The following PUDP variants were observed in gnomAD, a reference collection of about 807,000 sequenced individuals.
PUDP encodes pseudouridine-5'-phosphatase.
A neutral mutation model predicts 9.4 loss-of-function variants in PUDP; 8 were observed. The observed-to-expected ratio is 0.85, with a 90% CI of 0.50 to 1.53. The LOEUF is 1.53. Ranked by LOEUF, PUDP falls within the 40% of genes most tolerant of loss-of-function variation. The pLI, the probability that PUDP is intolerant of heterozygous loss-of-function variation, is 0.00. For synonymous variants in PUDP, 99 were observed against 80.7 expected, an observed-to-expected ratio of 1.23 and a Z score of -1.22; for missense variants, 188 against 189.7, an observed-to-expected ratio of 0.99 and a Z score of 0.05.
chrX:7,047,688 T>C (rs1342131866), downstream of PUDP, among the ~76,000 whole-genome samples: 2 of 112,395 alleles, frequency 1.8e-5, no homozygotes, highest in African/African-American at 6.5e-5. Context: ...TAGAAGATAA[T>C]AGTTCTAGAG....
At chrX:6,785,448 T>A (rs952002877) in intron 3 of PUDP, among the ~76,000 whole-genome samples, 2 of 112,259 alleles carry the variant, frequency 1.8e-5, no homozygotes, top group African/African-American at 6.5e-5. Context: ...CTTCTTCAAA[T>A]TATATTTCTT....
intron 3 of PUDP, among the ~76,000 whole-genome samples, chrX:6,744,940 C>A (rs1273389891): frequency 1.8e-5 from 2 of 111,895 alleles, no homozygotes; most frequent in Non-Finnish European, 3.8e-5. Flanking sequence ...AAGACAATAT[C>A]ATCAACGAGT....
chrX:7,058,356 C>T (rs1930305863), intron 3 of PUDP, among the ~76,000 whole-genome samples: 2 of 111,935 alleles, frequency 1.8e-5, no homozygotes, highest in African/African-American at 6.5e-5. Flanking sequence ...CTCCCAGAAG[C>T]GGTCCTGGAA....
chrX:6,841,094 T>C (rs1926661769), intron 3 of PUDP, among the ~76,000 whole-genome samples: 1 of 109,291 alleles, frequency 9.1e-6, no homozygotes, highest in South Asian at 4.0e-4. Context: ...CCGGCCAATA[T>C]TGTGAAACCC....
At chrX:7,126,371 C>A (rs1428005631) in intron 1 of PUDP, among the ~76,000 whole-genome samples, 2 of 112,010 alleles carry the variant, frequency 1.8e-5, no homozygotes, top group African/African-American at 6.5e-5. Flanking sequence ...CCCAGAAATT[C>A]AGGAAAACAT....
At chrX:6,734,749 T>G (rs1924853623) in intron 3 of PUDP, among the ~76,000 whole-genome samples, 1 of 111,825 alleles carries the variant, frequency 8.9e-6, no homozygotes, top group South Asian at 3.7e-4. Flanking sequence ...CATCCTGGGC[T>G]ACACAGTGAG....
intron 2 of PUDP, among the ~76,000 whole-genome samples, chrX:7,096,713 G>A (rs1375446884): frequency 9.0e-6 from 1 of 110,777 alleles, no homozygotes; most frequent in Non-Finnish European, 1.9e-5. Context: ...GCATATAATT[G>A]CAGTCCTAGC....
chrX:7,020,113 A>G (rs921580709), intron 1 of PUDP, among the ~76,000 whole-genome samples: 7 of 110,176 alleles, frequency 6.4e-5, no homozygotes, highest in African/African-American at 2.3e-4. Flanking sequence ...TGGGAATATG[A>G]GCTTAAGAGG....
chrX:7,093,455 T>C (rs967705827), intron 2 of PUDP, among the ~76,000 whole-genome samples: 1 of 112,062 alleles, frequency 8.9e-6, no homozygotes, highest in Non-Finnish European at 1.9e-5. Flanking sequence ...TTTCTACTAC[T>C]GGCGCCAGGA....
chrX:6,955,613 T>A (rs1194024268), intron 3 of PUDP, among the ~76,000 whole-genome samples: 2 of 111,442 alleles, frequency 1.8e-5, no homozygotes, highest in Non-Finnish European at 3.8e-5. Flanking sequence ...CTTTTATAAT[T>A]AGGATGGGAA....
intron 3 of PUDP, among the ~76,000 whole-genome samples, chrX:6,969,904 C>A (rs1411850595): frequency 8.9e-6 from 1 of 112,052 alleles, no homozygotes; most frequent in Non-Finnish European, 1.9e-5. Flanking sequence ...GGAAGGTCTG[C>A]TATTATTTCA....
chrX:6,776,512 C>G (rs778001619), intron 3 of PUDP, among the ~76,000 whole-genome samples: 6 of 111,193 alleles, frequency 5.4e-5, no homozygotes, highest in Non-Finnish European at 1.1e-4. Flanking sequence ...GCCTGGGTGA[C>G]AGAGCAAGAG....
intron 3 of PUDP, among the ~76,000 whole-genome samples, chrX:6,788,660 G>A (rs930897972): frequency 1.8e-5 from 2 of 112,020 alleles, no homozygotes; most frequent in African/African-American, 6.5e-5. Context: ...AGCCGAGATC[G>A]TGCCACTGCA....
chrX:7,002,376 A>G (rs1450194324), intron 1 of PUDP, among the ~76,000 whole-genome samples: 1 of 112,210 alleles, frequency 8.9e-6, no homozygotes, highest in Admixed American at 9.5e-5. Flanking sequence ...CTGACAATGT[A>G]CTGGAGGACT....
chrX:6,999,295 C>T (rs886353535), intron 1 of PUDP, among the ~76,000 whole-genome samples: 7 of 111,479 alleles, frequency 6.3e-5, no homozygotes, highest in South Asian at 7.6e-4. Flanking sequence ...TATAGCCATA[C>T]GTAAGCACAT....
intron 3 of PUDP, among the ~76,000 whole-genome samples, chrX:6,796,861 T>C (rs1386807226): frequency 9.0e-6 from 1 of 111,461 alleles, no homozygotes; most frequent in Non-Finnish European, 1.9e-5. Flanking sequence ...TATAAATGGA[T>C]GAGATGGGGC....
intron 3 of PUDP, among the ~76,000 whole-genome samples, chrX:6,926,288 C>T (rs888072935): frequency 8.9e-6 from 1 of 112,168 alleles, no homozygotes; most frequent in African/African-American, 3.2e-5. Context: ...ACGAATTCCG[C>T]ACCCGTAGCT....
In PUDP at chrX:6,918,735, ATC is replaced by A. The variant is rs761417633; in HGVS notation, c.*247+58396_*247+58397del. Among the ~76,000 whole-genome samples, 731 of 111,639 alleles carry A rather than the reference ATC, an allele frequency of 6.5e-3. 8 individuals carry two copies. Among genetic ancestry groups the A allele is most frequent in the African/African-American group, 0.02 (615 of 30,789 alleles). On this transcript the variant is annotated intron_variant and NMD_transcript_variant, in intron 3 of 3. Coordinates refer to the PUDP transcript ENST00000655425. ...GTAGTGGAAGTGGGATCTCTTTGAG[ATC>A]TCTTTCATAAAGGTGAAAATGTCCA...
At chrX:6,719,300 G>A (rs1924634860) in intron 1 of PUDP, among the ~76,000 whole-genome samples, 1 of 111,106 alleles carries the variant, frequency 9.0e-6, no homozygotes, top group Non-Finnish European at 1.9e-5. Context: ...ACACCAGATT[G>A]GATTAGGTCC....
Sources: gnomAD v4.1 joint callset for allele counts (sites outside exome capture counted in the v4.1 genomes callset) on GRCh38, gnomAD v4.1.1 for gene constraint, MANE v1.5 for transcripts, NCBI Gene and HGNC (gene_info 2026-07-23, HGNC 2026-07-21) for gene names.